Variants in CNKSR3 observed in about 807,000 individuals in gnomAD.
The protein encoded by CNKSR3 is CNKSR family member 3.
Under a neutral mutation model 67.7 loss-of-function variants are expected in CNKSR3, and 36 were observed. That is an observed-to-expected ratio of 0.53 (90% confidence interval 0.41 to 0.70). CNKSR3 has a LOEUF of 0.70. CNKSR3 is among the 30% of genes least tolerant of loss of function. The pLI is 0.00. For synonymous variants in CNKSR3, 281 were observed against 271.4 expected, an observed-to-expected ratio of 1.04 and a Z score of -0.35; for missense variants, 630 against 695.2, an observed-to-expected ratio of 0.91 and a Z score of 1.05.
intron 2 of CNKSR3, among the ~76,000 whole-genome samples, chr6:154,449,544 CAA>C: frequency 6.6e-6 from 1 of 152,340 alleles, no homozygotes; most frequent in Non-Finnish European, 1.5e-5. Context: ...AGGCTGGTCT[CAA>C]ACTCCTGGAC....
intron 1 of CNKSR3, among the ~76,000 whole-genome samples, chr6:154,474,100 C>G (rs892680360): frequency 4.9e-5 from 6 of 122,916 alleles, no homozygotes; most frequent in African/African-American, 4.0e-5. Context: ...TCACACCTAC[C>G]TCATGGGGTT....
chr6:154,452,279 G>A (rs1047199194), intron 1 of CNKSR3, among the ~76,000 whole-genome samples: 48 of 152,052 alleles, frequency 3.2e-4, no homozygotes, highest in African/African-American at 9.9e-4. Context: ...GCATTTTCTC[G>A]CAAACACGAG....
At position 154,430,591 on chromosome 6, in the gene CNKSR3, C is replaced by T. The variant is rs1785345629; in HGVS notation, c.550G>A (p.Val184Ile). 2.5e-6 allele frequency: 4 copies of T among 1,604,236 alleles called. No individual in the cohort carries two copies. The highest frequency in any genetic ancestry group is 1.7e-5 in the Admixed American group (1 of 57,604). Residue 184 changes from valine (V) to isoleucine (I), a missense_variant and splice_region_variant, in exon 6 of 13, where the codon GTC becomes ATC. This residue lies in a region of CNKSR3 where 133 missense variants were observed against 190.6 expected (regional missense o/e 0.70). Transcript: ENST00000607772. Reference sequence around the variant, plus strand: ...TCACAGATGCCATTTAAAACCTTGACCTAGAATTGGAGAAGCAAATAGTCA... The same window carrying T: ...TCACAGATGCCATTTAAAACCTTGATCTAGAATTGGAGAAGCAAATAGTCA... ...AEMEDKVLTV[V>I]KVLNGICDKT...
chr6:154,417,992 C>T (rs1056783442), intron 9 of CNKSR3, among the ~76,000 whole-genome samples: 13 of 152,210 alleles, frequency 8.5e-5, no homozygotes, highest in African/African-American at 3.1e-4. Flanking sequence ...CTTTATCTCC[C>T]ACCCTCAGCT....
At chr6:154,461,804 C>A (rs1786084151) in intron 1 of CNKSR3, among the ~76,000 whole-genome samples, 1 of 152,228 alleles carries the variant, frequency 6.6e-6, no homozygotes, top group Admixed American at 6.5e-5. Context: ...TAGGCAGAGT[C>A]AGGATTTAAA....
intron 5 of CNKSR3, among the ~76,000 whole-genome samples, chr6:154,432,639 T>C (rs1224998573): frequency 1.3e-5 from 2 of 152,250 alleles, no homozygotes; most frequent in Non-Finnish European, 2.9e-5. Context: ...AGATGGTTTA[T>C]AGTTTTGCAT....
chr6:154,410,402 T>G lies in CNKSR3; in HGVS notation c.1310A>C (p.Asp437Ala). 6.2e-7 allele frequency: 1 copy of G among 1,614,044 alleles called. No homozygotes were observed. Among genetic ancestry groups the G allele is most frequent in the South Asian group, 1.1e-5 (1 of 91,078 alleles). ...GKPRPLSMPA[D>A]GNWMGIVDPF... The stretch of plus-strand genomic sequence containing the variant: ...GTCCACAATCCCCATCCAGTTCCCA[T>G]CAGCAGGCATGGACAAAGGCCGTGG... The change falls in exon 12 of 13, where the codon GAT (aspartate) becomes GCT (alanine). Residue 437 changes from aspartate (D) to alanine (A), a missense_variant. By Grantham distance (126) the Asp-to-Ala change is moderately radical. Around this residue, in one of 3 missense-constraint regions of CNKSR3, gnomAD observed 308 missense variants for 299.6 expected, o/e 1.03. Coordinates refer to ENST00000607772, the MANE Select transcript of CNKSR3 (RefSeq NM_173515.4).
intron 1 of CNKSR3, among the ~76,000 whole-genome samples, chr6:154,496,126 C>A (rs1190244678): frequency 1.3e-5 from 2 of 152,178 alleles, no homozygotes; most frequent in Non-Finnish European, 2.9e-5. Flanking sequence ...AAGCCAAGAA[C>A]TCTTTCATCC....
At position 154,414,383 on chromosome 6, in the gene CNKSR3, G is replaced by A; in HGVS notation, c.986C>T (p.Thr329Ile). 6.2e-7 allele frequency: 1 copy of A among 1,609,652 alleles called. No homozygotes were observed. The highest frequency in any genetic ancestry group is 8.5e-7 in the Non-Finnish European group (1 of 1,178,698). ...CTCCTTCTTCAGTGAGGTATCCATA[G>A]TGCTTTCAGGGGACTGGGTTGTCGC... The part of the protein sequence containing the change: ...PPATTQSPES[T>I]MDTSLKKEKS... The change falls in exon 10 of 13, where the codon ACT becomes ATT. Residue 329 changes from threonine (T) to isoleucine (I), a missense_variant. Thr to Ile is a moderately conservative substitution (Grantham distance 89, BLOSUM62 -1). This residue lies in a region of CNKSR3 where 308 missense variants were observed against 299.6 expected (regional missense o/e 1.03). Coordinates refer to ENST00000607772, the MANE Select transcript of CNKSR3 (RefSeq NM_173515.4).
chr6:154,415,228 A>ATTTTTTTTTTTGTTTTTTTTTTTTTTTTT (rs1784998903), intron 9 of CNKSR3, among the ~76,000 whole-genome samples: 1 of 118,106 alleles, frequency 8.5e-6, no homozygotes, highest in Non-Finnish European at 1.7e-5. Context: ...CTAGCTGCCC[A>ATTTTTTTTTTTGTTTTTTTTTTTTTTTTT]TTTTTTTTTT....
intron 12 of CNKSR3, among the ~76,000 whole-genome samples, chr6:154,409,881 C>CAAAAAAAAAAAAAAA (rs56081008): frequency 7.9e-6 from 1 of 126,628 alleles, no homozygotes; most frequent in East Asian, 2.3e-4. Context: ...CTGTCTCTAC[C>CAAAAAAAAAAAAAAA]AAAAAAAAAA....
At chr6:154,436,536 TAAG>T (rs1229760001) in intron 4 of CNKSR3, among the ~76,000 whole-genome samples, 3 of 152,112 alleles carry the variant, frequency 2.0e-5, no homozygotes, top group Non-Finnish European at 4.4e-5. Flanking sequence ...TTGTTGTTGT[TAAG>T]ATACTATCTT....
rs1784671970 is a variant in CNKSR3, at chr6:154,397,389, T to C, written c.*8965A>G. Reference sequence around the variant, plus strand: ...CTGAAAGATCTTGGTTTAATTCTTTTCTTCTCTAAAAGTAGGTTTCTGTTT... The same window carrying C: ...CTGAAAGATCTTGGTTTAATTCTTTCCTTCTCTAAAAGTAGGTTTCTGTTT... On this transcript the variant is annotated 3_prime_UTR_variant, in exon 13 of 13. Coordinates refer to ENST00000607772, the MANE Select transcript of CNKSR3 (RefSeq NM_173515.4). 1 of 152,244 alleles carries C rather than the reference T, an allele frequency of 6.6e-6. No individual in the cohort carries two copies. The allele number at this position is 152,244 out of a possible 1,614,324, so 9.4% of individuals were successfully genotyped here. A position where few individuals can be genotyped will look rare whatever the true frequency, so the allele number is the denominator to read the frequency against.
chr6:154,502,889 G>A (rs554302454), intron 1 of CNKSR3, among the ~76,000 whole-genome samples: 26 of 152,242 alleles, frequency 1.7e-4, no homozygotes, highest in South Asian at 8.3e-4. Context: ...AAGACAACAC[G>A]CTGGGTGAAA....
In CNKSR3 at chr6:154,390,543, T is replaced by C. The variant is rs1241179430; in HGVS notation, c.*15811A>G. On this transcript the variant is annotated 3_prime_UTR_variant, in exon 13 of 13. Transcript: ENST00000607772. ...TTTCTTCTTCCCTTCCTCTCGTCTC[T>C]GGACTATACCTTACAGCTTTCCAGA... The C allele has an allele frequency of 6.6e-6, 1 of 152,236 alleles. No homozygotes were observed. 9.4% of individuals were successfully genotyped at this position (152,236 alleles called of 1,614,324 possible). A position where few individuals can be genotyped will look rare whatever the true frequency, so the allele number is the denominator to read the frequency against.
intron 7 of CNKSR3, among the ~76,000 whole-genome samples, chr6:154,426,191 G>A (rs1785251325): frequency 6.6e-6 from 1 of 152,112 alleles, no homozygotes; most frequent in Admixed American, 6.6e-5. Context: ...TCCCTGAGAC[G>A]ACTTCCATAC....
intron 10 of CNKSR3, among the ~76,000 whole-genome samples, chr6:154,413,624 A>G (rs184341469): frequency 1.2e-3 from 176 of 152,074 alleles, no homozygotes; most frequent in African/African-American, 4.0e-3. Flanking sequence ...CTTATTATCT[A>G]CCCCCTCAAG....
rs1474723438 is a variant in CNKSR3 at position 154,470,183 on chromosome 6, CTTTCCTTT to C, written c.53-19933_53-19926del. 2.4e-3 allele frequency among the ~76,000 whole-genome samples: 258 copies of C among 108,262 alleles called. 8 individuals are homozygous for C. Among genetic ancestry groups the C allele is most frequent in the East Asian group, 6.3e-3 (22 of 3,482 alleles). 71.0% of individuals were successfully genotyped at this position (108,262 alleles called of 152,430 possible). The stretch of plus-strand genomic sequence containing the variant: ...ACTCCTGTAATAAAGAACCTACTTT[CTTTCCTTT>C]TTTTTTTTTTTTTTTTTTTTTTTTT... On this transcript the variant is annotated intron_variant, in intron 1 of 12. Coordinates refer to ENST00000607772, the MANE Select transcript of CNKSR3 (RefSeq NM_173515.4).
chr6:154,411,062 G>C lies in CNKSR3; in HGVS notation c.1151C>G (p.Pro384Arg), dbSNP rs756200519. 20 of 1,614,036 alleles carry C rather than the reference G, an allele frequency of 1.2e-5. No individual in the cohort carries two copies. In the Admixed American group the frequency reaches 3.2e-4, roughly 26 times the overall value. Residue 384 changes from proline (P) to arginine (R), a missense_variant, in exon 11 of 13, where the codon CCG (proline) becomes CGG (arginine). Pro to Arg is a moderately radical substitution (Grantham distance 103). Around this residue, in one of 3 missense-constraint regions of CNKSR3, gnomAD observed 308 missense variants for 299.6 expected, o/e 1.03. Transcript: ENST00000607772. The part of the protein sequence containing the change: ...PLPGPKGSES[P>R]NSFLDQESRR... Reference sequence around the variant, plus strand: ...GCTTTCCTGGTCCAAGAAGGAATTCGGGGACTCTGAACCCTTAGGACCAGG... The same window carrying C: ...GCTTTCCTGGTCCAAGAAGGAATTCCGGGACTCTGAACCCTTAGGACCAGG...
Sources: allele counts gnomAD v4.1 joint callset (sites outside exome capture counted in the v4.1 genomes callset), GRCh38; gene constraint gnomAD v4.1.1; regional missense constraint gnomAD v4.1.1; transcripts MANE v1.5; gene names NCBI Gene and HGNC (gene_info 2026-07-23, HGNC 2026-07-21).